The following TRMT10B variants were observed in gnomAD, a reference collection of about 807,000 sequenced individuals.
TRMT10B encodes tRNA methyltransferase 10 homolog B.
Under a neutral mutation model 43.8 loss-of-function variants are expected in TRMT10B, and 33 were observed. The ratio of observed to expected loss-of-function variants is 0.75; its 90% CI spans 0.57 to 1.01. The LOEUF (loss-of-function observed/expected upper bound fraction) is 1.01. Ranked by LOEUF, TRMT10B falls within the 50% of genes least tolerant of loss-of-function variation. The probability of loss-of-function intolerance (pLI) is 0.00; values close to 1 mark genes in which losing one functional copy is unlikely to be tolerated. For synonymous variants in TRMT10B, 137 were observed against 130.6 expected (o/e 1.05, Z -0.34); for missense variants, 362 against 369.8 (o/e 0.98, Z 0.17).
At position 37,769,902 on chromosome 9, in the gene TRMT10B, C is replaced by T. The variant is rs566431916; in HGVS notation, c.574-39C>T. ...ACAGACGTGAGCCACCCCACCCAGC[C>T]GTGAGCTGTTTTAACATCAGACTGT... On this transcript the variant is annotated intron_variant, in intron 5 of 8. Coordinates refer to ENST00000297994, the MANE Select transcript of TRMT10B (RefSeq NM_144964.4). 13 of 1,554,632 alleles carry T rather than the reference C, an allele frequency of 8.4e-6. No individual in the cohort carries two copies. In the East Asian group the frequency reaches 1.1e-4, roughly 13 times the overall value.
intron 1 of TRMT10B, among the ~76,000 whole-genome samples, chr9:37,757,608 G>C (rs969855714): frequency 1.2e-4 from 18 of 152,152 alleles, no homozygotes; most frequent in Non-Finnish European, 2.5e-4. Flanking sequence ...GAATATATCT[G>C]GTGGTCACAT....
At chr9:37,758,109 TTATAA>T (rs1825912823) in intron 1 of TRMT10B, among the ~76,000 whole-genome samples, 1 of 151,900 alleles carries the variant, frequency 6.6e-6, no homozygotes, top group South Asian at 2.1e-4. Flanking sequence ...ATTTATGGAG[TTATAA>T]TATAAATGCA....
At chr9:37,760,733 A>T (rs1401370157) in intron 1 of TRMT10B, among the ~76,000 whole-genome samples, 1 of 152,152 alleles carries the variant, frequency 6.6e-6, no homozygotes, top group Non-Finnish European at 1.5e-5. Flanking sequence ...TTTTCATTGT[A>T]GTTTTTTTTT....
intron 1 of TRMT10B, among the ~76,000 whole-genome samples, chr9:37,757,791 A>G (rs903892459): frequency 2.0e-5 from 3 of 152,206 alleles, no homozygotes; most frequent in African/African-American, 7.2e-5. Flanking sequence ...CAATCCTGTG[A>G]GGTCGTTTTA....
chr9:37,776,718 G>A (rs1828190348), intron 8 of TRMT10B, among the ~76,000 whole-genome samples: 1 of 152,006 alleles, frequency 6.6e-6, no homozygotes, highest in Non-Finnish European at 1.5e-5. Context: ...TGGCCAACAT[G>A]GTGAAACCCC....
intron 4 of TRMT10B, chr9:37,767,512 C>CAAAAAAAAAAAAAAAAAAA (rs1376563452): frequency 8.2e-5 from 5 of 60,864 alleles, no homozygotes; most frequent in African/African-American, 2.6e-4. Flanking sequence ...GACCCTGTCT[C>CAAAAAAAAAAAAAAAAAAA]CAAAAAAAAA....
At chr9:37,769,405 T>C (rs1827317246) in intron 5 of TRMT10B, among the ~76,000 whole-genome samples, 1 of 146,334 alleles carries the variant, frequency 6.8e-6, no homozygotes, top group South Asian at 2.2e-4. Context: ...TACTCCCTCA[T>C]CTGTAGTCCT....
intron 6 of TRMT10B, 110 bp downstream of exon 6, chr9:37,770,129 A>G (rs1056672953): frequency 1.3e-5 from 12 of 936,182 alleles, no homozygotes; most frequent in Non-Finnish European, 1.7e-5. Flanking sequence ...CCCCACCCCC[A>G]CAAAAAGTAA....
At chr9:37,754,279 A>G (rs1254123783) in intron 1 of TRMT10B, among the ~76,000 whole-genome samples, 1 of 152,226 alleles carries the variant, frequency 6.6e-6, no homozygotes, top group Non-Finnish European at 1.5e-5. Flanking sequence ...AAAATAGGTT[A>G]TGTTGGATAG....
At chr9:37,769,308 T>TAAAAAAAAA (rs57651814) in intron 5 of TRMT10B, among the ~76,000 whole-genome samples, 5 of 60,724 alleles carry the variant, frequency 8.2e-5, no homozygotes, top group South Asian at 9.3e-4. Flanking sequence ...ACCCTGTCTT[T>TAAAAAAAAA]AAAAAAAAAA....
At position 37,764,913 on chromosome 9, in the gene TRMT10B, G is replaced by A. The variant is rs541576743; in HGVS notation, c.420+1160G>A. 3.3e-5 allele frequency among the ~76,000 whole-genome samples: 5 copies of A among 152,136 alleles called. No homozygotes were observed. In the South Asian group the frequency reaches 1.0e-3, roughly 32 times the overall value. On this transcript the variant is annotated intron_variant, in intron 4 of 8. Transcript: ENST00000297994. ...CTGTATACCATACAGGGCCACGTGG[G>A]GATTGTAATCAAGAACAGAATGAAC...
At chr9:37,769,208 T>C (rs1479669284) in intron 5 of TRMT10B, among the ~76,000 whole-genome samples, 1 of 146,932 alleles carries the variant, frequency 6.8e-6, no homozygotes, top group African/African-American at 2.5e-5. Flanking sequence ...CTCAGGAGGC[T>C]GAGGCAGGAG....
chr9:37,756,097 G>T (rs1825645575), intron 1 of TRMT10B, among the ~76,000 whole-genome samples: 1 of 152,150 alleles, frequency 6.6e-6, no homozygotes, highest in Non-Finnish European at 1.5e-5. Flanking sequence ...ACAGGCCCCG[G>T]CATACAGTAG....
chr9:37,753,037 C>G (rs931239096), upstream of TRMT10B, among the ~76,000 whole-genome samples: 1 of 152,040 alleles, frequency 6.6e-6, no homozygotes, highest in Non-Finnish European at 1.5e-5. Context: ...ATTTGCAGCT[C>G]TTTCTTGAGG....
At chr9:37,754,396 A>G (rs1011164549) in intron 1 of TRMT10B, among the ~76,000 whole-genome samples, 1 of 152,206 alleles carries the variant, frequency 6.6e-6, no homozygotes, top group African/African-American at 2.4e-5. Flanking sequence ...TTTGAGGAAC[A>G]GCAAATAGAC....
At chr9:37,758,868 T>G (rs1825992764) in intron 1 of TRMT10B, among the ~76,000 whole-genome samples, 1 of 152,170 alleles carries the variant, frequency 6.6e-6, no homozygotes, top group African/African-American at 2.4e-5. Context: ...TGAGGGTGCA[T>G]AGTGACACGG....
At position 37,765,286 on chromosome 9, in the gene TRMT10B, C is replaced by A. The variant is rs1826864710; in HGVS notation, c.420+1533C>A. 2.0e-5 allele frequency among the ~76,000 whole-genome samples: 3 copies of A among 151,980 alleles called. No homozygotes were observed. In the South Asian group the frequency reaches 6.2e-4, roughly 32 times the overall value. Reference sequence around the variant, plus strand: ...ACAACAGTCCCTGGTGTGTGATGTTCCCCTTCCCGTGTCCATGTGTTCTCA... The same window carrying A: ...ACAACAGTCCCTGGTGTGTGATGTTACCCTTCCCGTGTCCATGTGTTCTCA... On this transcript the variant is annotated intron_variant, in intron 4 of 8. Transcript: ENST00000297994.
rs1474935685 is a variant in TRMT10B at position 37,762,596 on chromosome 9, A to G, written c.206A>G (p.Gln69Arg). The G allele has an allele frequency of 6.3e-7, 1 of 1,594,904 alleles. No homozygotes were observed. Among genetic ancestry groups the G allele is most frequent in the African/African-American group, 1.3e-5 (1 of 74,794 alleles). Residue 69 changes from glutamine (Q) to arginine (R), a missense_variant, in exon 3 of 9, where the codon CAG becomes CGG. Coordinates refer to ENST00000297994, the MANE Select transcript of TRMT10B (RefSeq NM_144964.4). ...AWCSKNVQRK[Q>R]RHWEKIVAAK... ...TATAAGAAAAATGTCCAGAGAAAAC[A>G]GAGACACTGGGAAAAGATAGTTGCA...
intron 1 of TRMT10B, among the ~76,000 whole-genome samples, chr9:37,757,280 T>TCCCCAGGCTGGTCTTGAAC (rs1825829802): frequency 6.6e-6 from 1 of 152,058 alleles, no homozygotes; most frequent in African/African-American, 2.4e-5. Flanking sequence ...CTCACTTTGT[T>TCCCCAGGCTGGTCTTGAAC]CCCCAGGCTG....
Sources: allele counts gnomAD v4.1 joint callset (sites outside exome capture counted in the v4.1 genomes callset), GRCh38; gene constraint gnomAD v4.1.1; transcripts MANE v1.5; gene names NCBI Gene and HGNC (gene_info 2026-07-23, HGNC 2026-07-21).